The following ARHGAP22 variants were observed in gnomAD, a reference collection of about 807,000 sequenced individuals.
ARHGAP22 encodes the protein Rho GTPase activating protein 22.
In ARHGAP22, 48 loss-of-function variants were observed where a neutral mutation model predicts 59.1. That is an observed-to-expected ratio of 0.81 (90% CI 0.64 to 1.03). The LOEUF is 1.03. Among genes scored for constraint, ARHGAP22 ranks in the 50% least tolerant of loss-of-function variants. The pLI is 0.00. For synonymous variants in ARHGAP22, 445 were observed against 416.4 expected, an observed-to-expected ratio of 1.07 and a Z score of -0.84; for missense variants, 1,015 against 958.7, an observed-to-expected ratio of 1.06 and a Z score of -0.78.
intron 1 of ARHGAP22, among the ~76,000 whole-genome samples, chr10:48,604,535 G>C (rs978844879): frequency 6.6e-6 from 1 of 152,242 alleles, no homozygotes; most frequent in Non-Finnish European, 1.5e-5. Flanking sequence ...CACCCACTGG[G>C]GCACTAAGCC....
chr10:48,583,014 CAG>C lies in ARHGAP22; in HGVS notation c.171_172del (p.Trp58ValfsTer16). The stretch of plus-strand genomic sequence containing the variant: ...AAGCTGATCCCCACGCAGCACAAAC[CAG>C]CGCTGCTGCCAGTTCTTCATGATGC... On this transcript the variant is annotated frameshift_variant, in exon 2 of 10. Coordinates refer to ENST00000249601, the MANE Select transcript of ARHGAP22 (RefSeq NM_021226.4). LOFTEE classifies it high-confidence loss of function. 6.2e-7 allele frequency: 1 copy of C among 1,614,260 alleles called. No homozygotes were observed. The highest frequency in any genetic ancestry group is 8.5e-7 in the Non-Finnish European group (1 of 1,180,046).
chr10:48,582,809 T>C, intron 2 of ARHGAP22, 144 bp downstream of exon 2: 4 of 922,234 alleles, frequency 4.3e-6, no homozygotes, highest in Middle Eastern at 3.2e-4. Context: ...GGGATAAGAA[T>C]GAAAATTACT....
chr10:48,614,442 C>T (rs752505021), intron 1 of ARHGAP22, among the ~76,000 whole-genome samples: 1 of 152,008 alleles, frequency 6.6e-6, no homozygotes, highest in African/African-American at 2.4e-5. Context: ...TACATGCTAC[C>T]CAAATCCCCT....
chr10:48,558,819 C>A (rs1002043063), intron 2 of ARHGAP22, among the ~76,000 whole-genome samples: 1 of 152,208 alleles, frequency 6.6e-6, no homozygotes, highest in Non-Finnish European at 1.5e-5. Flanking sequence ...ACTTTGAGAA[C>A]CACTAGTCTA....
chr10:48,557,836 G>A (rs1180453364), intron 2 of ARHGAP22, among the ~76,000 whole-genome samples: 1 of 152,228 alleles, frequency 6.6e-6, no homozygotes, highest in African/African-American at 2.4e-5. Context: ...TCTGGGACTG[G>A]GTGGGGGTTG....
intron 1 of ARHGAP22, among the ~76,000 whole-genome samples, chr10:48,620,980 G>A (rs964450969): frequency 1.3e-5 from 2 of 152,372 alleles, no homozygotes; most frequent in African/African-American, 4.8e-5. Flanking sequence ...CTTCACAAAA[G>A]TGGGAGGCCC....
At chr10:48,440,692 G>C in the ARHGAP22 span, among the ~76,000 whole-genome samples, 1 of 152,154 alleles carries the variant, frequency 6.6e-6, no homozygotes, top group African/African-American at 2.4e-5. Context: ...GATCAGACCT[G>C]AAAATATCAA....
chr10:48,553,944 G>A lies in ARHGAP22; in HGVS notation c.322+1519C>T, dbSNP rs565511770. 3.8e-4 allele frequency among the ~76,000 whole-genome samples: 58 copies of A among 152,234 alleles called. No individual in the cohort carries two copies. In the South Asian group the frequency reaches 0.011, roughly 28 times the overall value. On this transcript the variant is annotated intron_variant, in intron 3 of 9. Coordinates refer to ENST00000249601, the MANE Select transcript of ARHGAP22 (RefSeq NM_021226.4). ...CCCAGAGCCAGGGGCCACACCCCTC[G>A]CCTAGATGGCAGGGCCCTGCCTACG...
intron 9 of ARHGAP22, among the ~76,000 whole-genome samples, chr10:48,449,727 T>C (rs186517505): frequency 2.0e-5 from 3 of 152,306 alleles, no homozygotes; most frequent in Admixed American, 6.5e-5. Context: ...GTTAGTGAGA[T>C]TGTAAGCCTC....
chr10:48,606,802 A>G (rs1410402705), upstream of ARHGAP22, among the ~76,000 whole-genome samples: 2 of 152,194 alleles, frequency 1.3e-5, no homozygotes, highest in Admixed American at 1.3e-4. Context: ...CACCAGCAGA[A>G]TGAGCCACTA....
At chr10:48,477,749 C>T (rs537495933) in intron 4 of ARHGAP22, among the ~76,000 whole-genome samples, 5 of 152,262 alleles carry the variant, frequency 3.3e-5, no homozygotes, top group African/African-American at 1.2e-4. Flanking sequence ...GCGCAGGAGC[C>T]TATGTTCACT....
chr10:48,626,697 G>T (rs2061461059), intron 1 of ARHGAP22, among the ~76,000 whole-genome samples: 3 of 152,204 alleles, frequency 2.0e-5, no homozygotes, highest in African/African-American at 4.8e-5. Context: ...TCATGTGGAG[G>T]GTGTGGTACG....
At chr10:48,609,607 C>T (rs138812635), upstream of ARHGAP22, among the ~76,000 whole-genome samples, 50 of 152,236 alleles carry the variant, frequency 3.3e-4, 1 homozygote, top group East Asian at 6.4e-3. Context: ...TTACTATAGC[C>T]GACATTCTCA....
At chr10:48,551,892 G>A (rs951065517) in intron 3 of ARHGAP22, among the ~76,000 whole-genome samples, 3 of 152,214 alleles carry the variant, frequency 2.0e-5, no homozygotes, top group African/African-American at 7.2e-5. Context: ...GTCTGTGTTG[G>A]AGGGCAATTT....
chr10:48,562,466 A>G (rs746318579), intron 2 of ARHGAP22, among the ~76,000 whole-genome samples: 5 of 152,246 alleles, frequency 3.3e-5, no homozygotes, highest in Non-Finnish European at 7.3e-5. Flanking sequence ...ATATGAATGA[A>G]TGAACTCTTA....
intron 3 of ARHGAP22, among the ~76,000 whole-genome samples, chr10:48,508,250 A>G (rs1057089626): frequency 6.6e-6 from 1 of 152,228 alleles, no homozygotes; most frequent in African/African-American, 2.4e-5. Context: ...TTCCTGCTGC[A>G]GTTGGGTATA....
chr10:48,606,194 C>T (rs542680339), upstream of ARHGAP22, among the ~76,000 whole-genome samples: 3 of 152,284 alleles, frequency 2.0e-5, no homozygotes, highest in East Asian at 1.9e-4. Flanking sequence ...CACACTCCCT[C>T]GAGTGCCCCA....
chr10:48,619,345 C>T (rs995781196), intron 1 of ARHGAP22, among the ~76,000 whole-genome samples: 3 of 151,856 alleles, frequency 2.0e-5, no homozygotes, highest in African/African-American at 7.3e-5. Context: ...AAAAATGAGC[C>T]CAAAATTGTA....
Position 48,446,412 on chromosome 10 carries a change from T to A in ARHGAP22, c.2076A>T (p.Lys692Asn). Residue 692 changes from lysine to asparagine, a missense_variant, in exon 10 of 10, where the codon AAA becomes AAT. Physicochemically the swap from Lys to Asn is moderately conservative, Grantham distance 94. Coordinates refer to ENST00000249601, the MANE Select transcript of ARHGAP22 (RefSeq NM_021226.4). ...CCTTTTACTTTGGGGCCCTGGCACC[T>A]TTTGCCCCAACAGTCAAGCTTCCTA... ...STLGSLTVGA[K>N]GARAPK is the part of the protein sequence containing the mutation. 6.2e-7 allele frequency: 1 copy of A among 1,614,064 alleles called. No individual in the cohort carries two copies. Among genetic ancestry groups the A allele is most frequent in the South Asian group, 1.1e-5 (1 of 91,072 alleles).
Sources: gnomAD v4.1 joint callset for allele counts (sites outside exome capture counted in the v4.1 genomes callset) on GRCh38, gnomAD v4.1.1 for gene constraint, MANE v1.5 for transcripts, NCBI Gene and HGNC (gene_info 2026-07-23, HGNC 2026-07-21) for gene names.